Variants in EML4 observed in about 807,000 individuals in gnomAD.
The protein encoded by EML4 is echinoderm microtubule-associated protein-like 4.
Under a neutral mutation model 129.0 loss-of-function variants are expected in EML4, and 72 were observed. The observed-to-expected ratio is 0.56, with a 90% CI of 0.46 to 0.68. The LOEUF is 0.68. EML4 is among the 30% of genes least tolerant of loss of function. The probability of loss-of-function intolerance (pLI) is 0.00; values close to 1 mark genes in which losing one functional copy is unlikely to be tolerated. For synonymous variants in EML4, 532 were observed against 405.0 expected, an observed-to-expected ratio of 1.31 and a Z score of -3.77; for missense variants, 1,363 against 1,190.6, an observed-to-expected ratio of 1.14 and a Z score of -2.13.
chr2:42,209,126 A>G (rs1050618471), intron 1 of EML4, among the ~76,000 whole-genome samples: 2 of 152,222 alleles, frequency 1.3e-5, no homozygotes, highest in African/African-American at 4.8e-5. Flanking sequence ...ATTACAGTGT[A>G]TTAAAAAATC....
chr2:42,179,091 G>T (rs989374247), intron 1 of EML4, among the ~76,000 whole-genome samples: 3 of 152,094 alleles, frequency 2.0e-5, no homozygotes, highest in Non-Finnish European at 1.5e-5. Context: ...TTGTGTGCAT[G>T]ATCAAAATAA....
intron 6 of EML4, among the ~76,000 whole-genome samples, chr2:42,266,085 A>G (rs1043497298): frequency 6.6e-6 from 1 of 152,176 alleles, no homozygotes; most frequent in South Asian, 2.1e-4. Flanking sequence ...AACGTGGTTA[A>G]AGCTTTTTTT....
At chr2:42,313,957 A>G (rs1669099032) in intron 17 of EML4, among the ~76,000 whole-genome samples, 1 of 151,754 alleles carries the variant, frequency 6.6e-6, no homozygotes. Context: ...AAAGCCTACC[A>G]TCACGATTCT....
intron 1 of EML4, among the ~76,000 whole-genome samples, chr2:42,232,264 A>C (rs1350111223): frequency 1.3e-5 from 2 of 152,190 alleles, no homozygotes; most frequent in African/African-American, 4.8e-5. Flanking sequence ...GTGGGAAAAA[A>C]AGCCCTATAT....
intron 1 of EML4, among the ~76,000 whole-genome samples, chr2:42,190,783 C>T (rs556499007): frequency 3.3e-4 from 50 of 152,292 alleles, no homozygotes; most frequent in Non-Finnish European, 6.5e-4. Context: ...CAGCCATAAA[C>T]AATATGTAAA....
rs1558478576 is a variant in EML4 at position 42,180,875 on chromosome 2, T to C, written c.25+11239T>C. 2.0e-5 allele frequency among the ~76,000 whole-genome samples: 3 copies of C among 152,240 alleles called. No homozygotes were observed. The South Asian group carries it at 6.2e-4, about 31-fold the overall frequency. On this transcript the variant is annotated intron_variant, in intron 1 of 22. Transcript: ENST00000318522. ...CTTTAGTCTCTTTGATATGGAACAG[T>C]TCCTTAGTCTTCCTTGGGTTTTGTC...
chr2:42,282,650 C>T (rs894918447), intron 7 of EML4, among the ~76,000 whole-genome samples, 173 bp from the exon 8 acceptor site: 16 of 152,156 alleles, frequency 1.1e-4, no homozygotes, highest in African/African-American at 3.6e-4. Flanking sequence ...ACCTTGGCCT[C>T]CTGAAGGGCT....
At position 42,245,654 on chromosome 2, in the gene EML4, G is replaced by T; in HGVS notation, c.175G>T (p.Val59Leu). 1 of 1,611,556 alleles carries T rather than the reference G, an allele frequency of 6.2e-7. No homozygotes were observed. Among genetic ancestry groups the T allele is most frequent in the Non-Finnish European group, 8.5e-7 (1 of 1,178,720 alleles). The change falls in exon 2 of 23, where the codon GTG becomes TTG. Residue 59 changes from valine (V) to leucine (L), a missense_variant. Val to Leu is a conservative substitution (Grantham distance 32, BLOSUM62 1). Coordinates refer to ENST00000318522, the MANE Select transcript of EML4 (RefSeq NM_019063.5). ...LRRLAISEDH[V>L]ASVKKSVSSK... ...GCGTCTTGCAATCTCTGAAGATCAT[G>T]TGGCCTCAGTGAAAAAATCAGTCTC...
At chr2:42,202,587 G>C (rs1672294980) in intron 1 of EML4, among the ~76,000 whole-genome samples, 2 of 152,322 alleles carry the variant, frequency 1.3e-5, no homozygotes, top group South Asian at 4.1e-4. Flanking sequence ...TGAAGAACTT[G>C]GAGTCTGATG....
At chr2:42,220,930 C>G (rs1336674320) in intron 1 of EML4, among the ~76,000 whole-genome samples, 1 of 152,194 alleles carries the variant, frequency 6.6e-6, no homozygotes, top group Non-Finnish European at 1.5e-5. Context: ...CTCTAACTCT[C>G]TTCATTTCTA....
chr2:42,179,381 A>G (rs2103829353), intron 1 of EML4, among the ~76,000 whole-genome samples: 1 of 152,064 alleles, frequency 6.6e-6, no homozygotes, highest in East Asian at 1.9e-4. Context: ...GATCTTGTAT[A>G]GAGGGGAAAA....
Position 42,316,069 on chromosome 2 carries a change from A to G in EML4, c.2056+19A>G, listed in dbSNP as rs1322620927. On this transcript the variant is annotated intron_variant, in intron 18 of 22. Coordinates refer to ENST00000318522, the MANE Select transcript of EML4 (RefSeq NM_019063.5). Reference sequence around the variant, plus strand: ...TCAATAGGTAGGCAAATTTACTCCCACCTCCCAAGCATGGCATTCACAGCA... The same window carrying G: ...TCAATAGGTAGGCAAATTTACTCCCGCCTCCCAAGCATGGCATTCACAGCA... 1 of 1,567,152 alleles carries G rather than the reference A, an allele frequency of 6.4e-7. No homozygotes were observed.
intron 13 of EML4, among the ~76,000 whole-genome samples, chr2:42,299,258 C>T (rs922128676): frequency 6.6e-6 from 1 of 152,166 alleles, no homozygotes; most frequent in African/African-American, 2.4e-5. Context: ...CACTAGCATA[C>T]TCAAACTGAG....
At chr2:42,277,483 C>T (rs1428478018) in intron 6 of EML4, among the ~76,000 whole-genome samples, 2 of 152,118 alleles carry the variant, frequency 1.3e-5, no homozygotes, top group African/African-American at 4.8e-5. Context: ...GAGGCCTTAG[C>T]CTGTTCTTAG....
At chr2:42,187,080 G>T (rs960032346) in intron 1 of EML4, among the ~76,000 whole-genome samples, 2 of 150,908 alleles carry the variant, frequency 1.3e-5, no homozygotes, top group Non-Finnish European at 2.9e-5. Flanking sequence ...GTCTTGCTCT[G>T]TTGCCCAGGC....
intron 1 of EML4, among the ~76,000 whole-genome samples, chr2:42,190,711 C>G (rs1255764228): frequency 6.6e-6 from 1 of 152,144 alleles, no homozygotes; most frequent in East Asian, 1.9e-4. Context: ...TCTTTATAGT[C>G]TTGCATAGGG....
At chr2:42,254,945 T>C (rs534101993) in intron 2 of EML4, among the ~76,000 whole-genome samples, 3 of 152,314 alleles carry the variant, frequency 2.0e-5, no homozygotes, top group South Asian at 2.1e-4. Context: ...TTTTCTGTTA[T>C]AAAGAATGAA....
intron 1 of EML4, among the ~76,000 whole-genome samples, chr2:42,199,484 G>A (rs1672091142): frequency 1.3e-5 from 2 of 152,208 alleles, no homozygotes; most frequent in Admixed American, 1.3e-4. Flanking sequence ...AGGTTTTGCA[G>A]GAGACTTTTG....
intron 1 of EML4, among the ~76,000 whole-genome samples, chr2:42,200,423 G>T (rs1160849191): frequency 1.3e-5 from 2 of 152,218 alleles, no homozygotes; most frequent in Non-Finnish European, 2.9e-5. Context: ...GTAAGCTGTA[G>T]AGAGCAGTCT....
Sources: allele counts gnomAD v4.1 joint callset (sites outside exome capture counted in the v4.1 genomes callset), GRCh38; gene constraint gnomAD v4.1.1; transcripts MANE v1.5; gene names NCBI Gene and HGNC (gene_info 2026-07-23, HGNC 2026-07-21).